Variants in COG6 observed in about 807,000 individuals in gnomAD.
COG6 encodes the protein component of oligomeric golgi complex 6.
Under a neutral mutation model 88.8 loss-of-function variants are expected in COG6, and 74 were observed. The ratio of observed to expected loss-of-function variants is 0.83; its 90% confidence interval spans 0.69 to 1.01. The LOEUF is 1.01. Among genes scored for constraint, COG6 ranks in the 50% least tolerant of loss-of-function variants. The pLI is 0.00. For missense variants in COG6, 800 were observed against 797.9 expected (o/e 1.00, Z -0.03); for synonymous variants, 286 against 278.7 (o/e 1.03, Z -0.26).
At position 39,752,517 on chromosome 13, in the gene COG6, A is replaced by G. The variant is rs776407236; in HGVS notation, c.*1424A>G. The G allele has an allele frequency of 1.9e-5, 22 of 1,184,554 alleles. No homozygotes were observed. Among genetic ancestry groups the G allele is most frequent in the Middle Eastern group, 3.6e-4 (1 of 2,798 alleles). The allele number at this position is 1,184,554 out of a possible 1,614,324, so 73.4% of individuals were successfully genotyped here. ...CAAGAGCTTAAATTGTATATAATTTATTTCTACAGAGAAAGAAGATTGATA... is the reference window on the plus strand; with the variant it reads ...CAAGAGCTTAAATTGTATATAATTTGTTTCTACAGAGAAAGAAGATTGATA... On this transcript the variant is annotated 3_prime_UTR_variant, in exon 19 of 19. Coordinates refer to ENST00000455146, the MANE Select transcript of COG6 (RefSeq NM_020751.3).
intron 12 of COG6, 52 bp downstream of exon 12, chr13:39,694,777 A>G (rs981752217): frequency 2.0e-6 from 2 of 997,326 alleles, no homozygotes; most frequent in Non-Finnish European, 3.2e-6. Context: ...TATTTCTTTC[A>G]GTTAGAGCAC....
rs4485233 is a variant in COG6 at position 39,677,285 on chromosome 13, A to G, written c.429-183A>G. Among the ~76,000 whole-genome samples the G allele has an allele frequency of 0.65, 99,015 of 151,974 alleles. 32,554 individuals are homozygous for G. Among genetic ancestry groups the G allele is most frequent in the Admixed American group, 0.77 (11,723 of 15,278 alleles). ...TATCTGAAATAGAACAATATTAGCT[A>G]ATTTTATCACCTACATGTCTGATAA... On this transcript the variant is annotated intron_variant, in intron 4 of 18. Transcript: ENST00000455146.
Position 39,727,528 on chromosome 13 carries a change from T to C in COG6, c.1806T>C (p.Phe602=), listed in dbSNP as rs1263106872. Reference sequence around the variant, plus strand: ...ACCTATTGATACCACAGCTGAACTTTCTTCTAAGTGCCACAGTGAAGTAAG... The same window carrying C: ...ACCTATTGATACCACAGCTGAACTTCCTTCTAAGTGCCACAGTGAAGTAAG... ...PDNLLIPQLN[F]LLSATVKEQI... Residue 602 remains phenylalanine, a synonymous_variant, in exon 18 of 19, where the codon TTT becomes TTC. Transcript: ENST00000455146. The C allele has an allele frequency of 3.7e-6, 6 of 1,612,924 alleles. No individual in the cohort carries two copies. The highest frequency in any genetic ancestry group is 5.1e-6 in the Non-Finnish European group (6 of 1,179,028).
rs1876733494 is a variant in COG6 at position 39,687,613 on chromosome 13, A to C, written c.899A>C (p.His300Pro). The C allele has an allele frequency of 9.9e-6, 16 of 1,613,978 alleles. No individual in the cohort carries two copies. The highest frequency in any genetic ancestry group is 1.3e-5 in the African/African-American group (1 of 74,974). ...PGGTPRPIEM[H>P]SHDPLRYVGD... ...GGTACACCTAGACCAATTGAAATGCATTCTCATGACCCTTTGAGGTATAGT... is the reference window on the plus strand; with the variant it reads ...GGTACACCTAGACCAATTGAAATGCCTTCTCATGACCCTTTGAGGTATAGT... The change falls in exon 9 of 19, where the codon CAT becomes CCT. Residue 300 changes from histidine to proline, a missense_variant. His to Pro is a moderately conservative substitution (Grantham distance 77). Coordinates refer to ENST00000455146, the MANE Select transcript of COG6 (RefSeq NM_020751.3).
chr13:39,707,016 A>G (rs749949272), intron 13 of COG6, among the ~76,000 whole-genome samples: 3 of 152,096 alleles, frequency 2.0e-5, no homozygotes, highest in Non-Finnish European at 4.4e-5. Context: ...ATTTTTCTGT[A>G]TACTTCAACT....
At chr13:39,758,214 T>G (rs1200327697) in intron 18 of COG6, among the ~76,000 whole-genome samples, 3 of 110,536 alleles carry the variant, frequency 2.7e-5, no homozygotes, top group South Asian at 5.9e-4. Context: ...GCGAGATGCC[T>G]TCTCAAAAAA....
intron 8 of COG6, among the ~76,000 whole-genome samples, chr13:39,682,953 T>TA: frequency 6.6e-6 from 1 of 152,124 alleles, no homozygotes; most frequent in South Asian, 2.1e-4. Flanking sequence ...AGGGGACTCT[T>TA]ACCAAGGTAG....
At chr13:39,682,540 G>A (rs1236216162) in intron 8 of COG6, 20 of 342,232 alleles carry the variant, frequency 5.8e-5, no homozygotes, top group Non-Finnish European at 7.1e-5. Context: ...TTCCCCTGTC[G>A]TCTCATTAAC....
chr13:39,686,364 C>G (rs908061048), intron 8 of COG6, among the ~76,000 whole-genome samples: 1 of 152,096 alleles, frequency 6.6e-6, no homozygotes, highest in Non-Finnish European at 1.5e-5. Flanking sequence ...AAGGCTGAGT[C>G]AAGTCAAAGA....
chr13:39,756,550 A>G (rs1187312444), downstream of COG6, among the ~76,000 whole-genome samples: 1 of 152,182 alleles, frequency 6.6e-6, no homozygotes, highest in African/African-American at 2.4e-5. Flanking sequence ...CGGATGAACT[A>G]AAAATATGTA....
chr13:39,662,823 A>G (rs1402343678), intron 3 of COG6, among the ~76,000 whole-genome samples: 1 of 152,130 alleles, frequency 6.6e-6, no homozygotes, highest in Non-Finnish European at 1.5e-5. Context: ...ATATAGCACT[A>G]TTGGAATTCT....
At chr13:39,712,203 A>C (rs755549892) in intron 13 of COG6, among the ~76,000 whole-genome samples, 3 of 152,130 alleles carry the variant, frequency 2.0e-5, no homozygotes, top group Non-Finnish European at 2.9e-5. Flanking sequence ...ATTGGGGCTT[A>C]ATAAAATCTT....
intron 18 of COG6, among the ~76,000 whole-genome samples, chr13:39,742,876 T>C (rs1329758449): frequency 2.0e-5 from 3 of 152,112 alleles, no homozygotes; most frequent in East Asian, 3.9e-4. Context: ...TCAGCAAATA[T>C]AAAAGAACAG....
chr13:39,768,064 G>C (rs1326643836), intron 18 of COG6, among the ~76,000 whole-genome samples: 1 of 152,270 alleles, frequency 6.6e-6, no homozygotes, highest in East Asian at 1.9e-4. Context: ...GGCACTCTCA[G>C]ATCTTACCTG....
At chr13:39,738,290 C>T (rs1480238528) in intron 18 of COG6, among the ~76,000 whole-genome samples, 1 of 152,060 alleles carries the variant, frequency 6.6e-6, no homozygotes, top group Non-Finnish European at 1.5e-5. Context: ...GCAAAAGATG[C>T]AGTGGGAGGG....
intron 18 of COG6, among the ~76,000 whole-genome samples, chr13:39,776,850 C>T (rs1313952456): frequency 6.6e-6 from 1 of 152,148 alleles, no homozygotes; most frequent in African/African-American, 2.4e-5. Flanking sequence ...TCATTAGTCT[C>T]ATTTGATTTT....
In COG6 at chr13:39,751,173, C is replaced by T. The variant is rs4245396; in HGVS notation, c.*80C>T. 641,356 of 1,562,708 alleles carry T rather than the reference C, an allele frequency of 0.41. 134,974 individuals carry two copies. The highest frequency in any genetic ancestry group is 0.61 in the Admixed American group (33,335 of 54,620). Reference sequence around the variant, plus strand: ...ATTTTTTATTCTTTGAATTTTTACTCTATAATTTGATAGTTACAGTTTTCT... The same window carrying T: ...ATTTTTTATTCTTTGAATTTTTACTTTATAATTTGATAGTTACAGTTTTCT... On this transcript the variant is annotated 3_prime_UTR_variant, in exon 19 of 19. Coordinates refer to ENST00000455146, the MANE Select transcript of COG6 (RefSeq NM_020751.3).
intron 18 of COG6, among the ~76,000 whole-genome samples, chr13:39,743,702 C>T (rs1398761464): frequency 6.6e-6 from 1 of 152,120 alleles, no homozygotes; most frequent in Non-Finnish European, 1.5e-5. Context: ...ACCATCCATT[C>T]TGAAACTTCC....
chr13:39,655,906 C>G (rs3812884), intron 1 of COG6, 27 bp downstream of exon 1: 1 of 1,592,408 alleles, frequency 6.3e-7, no homozygotes, highest in Non-Finnish European at 8.5e-7. Context: ...GGGCCGGAGT[C>G]ACAGGTTCCT....
Sources: gnomAD v4.1 joint callset for allele counts (sites outside exome capture counted in the v4.1 genomes callset) on GRCh38, gnomAD v4.1.1 for gene constraint, MANE v1.5 for transcripts, NCBI Gene and HGNC (gene_info 2026-07-23, HGNC 2026-07-21) for gene names.